Variants in NBAS observed in about 807,000 individuals in gnomAD.
NBAS encodes the protein NAG/BC035112 fusion.
NBAS carries 219 observed loss-of-function variants against 302.5 expected under a neutral mutation model. That is an observed-to-expected ratio of 0.72 (90% CI 0.65 to 0.81). The LOEUF (loss-of-function observed/expected upper bound fraction) is 0.81, where lower values mean the gene tolerates loss of function less well. NBAS is among the 30% of genes least tolerant of loss of function. NBAS has a pLI of 0.00. For synonymous variants in NBAS, 1,118 were observed against 1,021.6 expected (o/e 1.09, Z -1.80); for missense variants, 2,932 against 2,841.6 (o/e 1.03, Z -0.72).
intron 11 of NBAS, among the ~76,000 whole-genome samples, chr2:15,503,553 C>T (rs963449583): frequency 6.6e-6 from 1 of 151,872 alleles, no homozygotes; most frequent in Non-Finnish European, 1.5e-5. Flanking sequence ...TTGTGAAAGT[C>T]AAACAGAGAA....
At chr2:15,399,414 T>C (rs982165409) in intron 26 of NBAS, among the ~76,000 whole-genome samples, 4 of 152,180 alleles carry the variant, frequency 2.6e-5, no homozygotes. Flanking sequence ...TTGAGGTTTT[T>C]AAATGATGGG....
At chr2:15,446,779 A>T (rs1196420232) in intron 21 of NBAS, among the ~76,000 whole-genome samples, 1 of 152,126 alleles carries the variant, frequency 6.6e-6, no homozygotes, top group Non-Finnish European at 1.5e-5. Context: ...ATGGAAAAAC[A>T]TTATTTTAAG....
At chr2:14,966,907 C>A in the NBAS span, among the ~76,000 whole-genome samples, 3 of 152,038 alleles carry the variant, frequency 2.0e-5, no homozygotes, top group Admixed American at 2.0e-4. Context: ...CTGATAGAAT[C>A]CACAATAAAG....
the NBAS span, among the ~76,000 whole-genome samples, chr2:14,843,429 C>G: frequency 9.9e-5 from 15 of 151,400 alleles, no homozygotes; most frequent in African/African-American, 3.6e-4. Context: ...AAGACCCCAC[C>G]AAAAAAAATG....
chr2:14,795,193 GTGT>G, the NBAS span, among the ~76,000 whole-genome samples: 1 of 152,122 alleles, frequency 6.6e-6, no homozygotes, highest in African/African-American at 2.4e-5. Context: ...GTTTTCCAAA[GTGT>G]TGTATGAATT....
At chr2:14,868,663 TCTC>T in the NBAS span, among the ~76,000 whole-genome samples, 1,674 of 152,324 alleles carry the variant, frequency 0.011, 31 homozygotes, top group African/African-American at 0.037. Flanking sequence ...AGGTACATCC[TCTC>T]CTTACTGAGT....
intron 50 of NBAS, among the ~76,000 whole-genome samples, chr2:15,185,058 C>T (rs1170002406): frequency 1.3e-5 from 2 of 152,198 alleles, no homozygotes; most frequent in Admixed American, 6.5e-5. Context: ...ATTCATGTAT[C>T]TCCCAAAGGT....
chr2:14,871,033 A>G, the NBAS span, among the ~76,000 whole-genome samples: 1 of 152,118 alleles, frequency 6.6e-6, no homozygotes, highest in Non-Finnish European at 1.5e-5. Context: ...GACTAGCAGC[A>G]GCTTACATAC....
intron 40 of NBAS, among the ~76,000 whole-genome samples, chr2:15,305,445 A>G (rs1213888791): frequency 7.2e-6 from 1 of 138,980 alleles, no homozygotes; most frequent in Non-Finnish European, 1.5e-5. Context: ...CTCAGTCTCG[A>G]GCAGTTTTTT....
chr2:14,797,186 T>C, the NBAS span, among the ~76,000 whole-genome samples: 2 of 151,246 alleles, frequency 1.3e-5, no homozygotes, highest in African/African-American at 2.4e-5. Flanking sequence ...CACCTTCGGG[T>C]AGGCGTTGTC....
rs113112062 is a variant in NBAS, at chr2:15,467,882, C to G, written c.1878-78G>C. On this transcript the variant is annotated intron_variant, in intron 17 of 51. Coordinates refer to ENST00000281513, the MANE Select transcript of NBAS (RefSeq NM_015909.4). ...TGTGAAAAGCTTTCTCCTATTTTGA[C>G]TGATTTCATTATTGATTTCCACAAA... The G allele has an allele frequency of 1.0e-5, 13 of 1,240,086 alleles. No homozygotes were observed. The African/African-American group carries it at 1.2e-4, about 12-fold the overall frequency. The allele number at this position is 1,240,086 out of a possible 1,614,324, so 76.8% of individuals were successfully genotyped here.
chr2:15,430,807 A>AC (rs1294481804), intron 21 of NBAS, among the ~76,000 whole-genome samples: 1 of 151,620 alleles, frequency 6.6e-6, no homozygotes, highest in African/African-American at 2.4e-5. Flanking sequence ...GTAGAGGGCA[A>AC]CTTTTTTTTT....
At chr2:14,891,336 AT>A in the NBAS span, among the ~76,000 whole-genome samples, 199 of 150,218 alleles carry the variant, frequency 1.3e-3, 1 homozygote, top group Non-Finnish European at 1.9e-3. Context: ...AAAATGTTTG[AT>A]TTTTTTTTTG....
chr2:14,845,205 C>A, the NBAS span, among the ~76,000 whole-genome samples: 1 of 152,170 alleles, frequency 6.6e-6, no homozygotes, highest in Non-Finnish European at 1.5e-5. Flanking sequence ...GCTCAGAACA[C>A]AAAGATAAAT....
intron 9 of NBAS, among the ~76,000 whole-genome samples, chr2:15,529,372 A>G (rs1663109296): frequency 6.6e-6 from 1 of 151,192 alleles, no homozygotes; most frequent in South Asian, 2.1e-4. Flanking sequence ...GTGCACCTGT[A>G]GTCCCAGCTA....
intron 48 of NBAS, among the ~76,000 whole-genome samples, chr2:15,204,081 G>A (rs1666024748): frequency 6.6e-6 from 1 of 152,052 alleles, no homozygotes; most frequent in Non-Finnish European, 1.5e-5. Context: ...GAGCAACATA[G>A]TGAGACCCCA....
chr2:15,320,357 T>C (rs1391324374), intron 38 of NBAS, among the ~76,000 whole-genome samples: 1 of 152,172 alleles, frequency 6.6e-6, no homozygotes, highest in Non-Finnish European at 1.5e-5. Flanking sequence ...ATGCCCTCTC[T>C]CACCACACCT....
rs544367594 is a variant in NBAS, at chr2:15,507,573, G to A, written c.886-3360C>T. 2.6e-5 allele frequency among the ~76,000 whole-genome samples: 4 copies of A among 152,200 alleles called. No homozygotes were observed. The South Asian group carries it at 8.3e-4, about 32-fold the overall frequency. ...ACATATATTACTTCATTTACATCCT[G>A]GCAAAAGCCTTAGTAGACAGTGGTA... is the stretch of plus-strand genomic sequence containing the variant. On this transcript the variant is annotated intron_variant, in intron 10 of 51. Coordinates refer to ENST00000281513, the MANE Select transcript of NBAS (RefSeq NM_015909.4).
At chr2:15,141,897 A>G in the NBAS span, among the ~76,000 whole-genome samples, 1 of 152,202 alleles carries the variant, frequency 6.6e-6, no homozygotes, top group Non-Finnish European at 1.5e-5. Context: ...TTATGTCTGT[A>G]CGGGTTTTGT....
Sources: allele counts gnomAD v4.1 joint callset (sites outside exome capture counted in the v4.1 genomes callset), GRCh38; gene constraint gnomAD v4.1.1; transcripts MANE v1.5; gene names NCBI Gene and HGNC (gene_info 2026-07-23, HGNC 2026-07-21).